ROR1: variants seen among roughly 807,000 people sequenced by gnomAD.
ROR1 encodes the protein inactive tyrosine-protein kinase transmembrane receptor ROR1.
Under a neutral mutation model 78.8 loss-of-function variants are expected in ROR1, and 19 were observed. That is an observed-to-expected ratio of 0.24 (90% CI 0.17 to 0.35). The LOEUF is 0.35. Among genes scored for constraint, ROR1 ranks in the 10% least tolerant of loss-of-function variants. The probability of loss-of-function intolerance (pLI) is 1.00; values close to 1 mark genes in which losing one functional copy is unlikely to be tolerated. For missense variants in ROR1, 917 were observed against 1,177.8 expected (o/e 0.78, Z 3.24); for synonymous variants, 386 against 433.6 (o/e 0.89, Z 1.36).
chr1:64,159,461 T>G (rs1021316340), intron 8 of ROR1, among the ~76,000 whole-genome samples: 18 of 152,160 alleles, frequency 1.2e-4, no homozygotes, highest in Non-Finnish European at 2.4e-4. Context: ...GAAATCATCC[T>G]GACCAGCCCG....
intron 1 of ROR1, among the ~76,000 whole-genome samples, chr1:63,906,890 C>G (rs1645533863): frequency 6.6e-6 from 1 of 152,110 alleles, no homozygotes; most frequent in Non-Finnish European, 1.5e-5. Flanking sequence ...CCTAAGTTTC[C>G]CAAATCCAAA....
chr1:63,955,077 G>C (rs574605369), intron 1 of ROR1, among the ~76,000 whole-genome samples: 1 of 152,182 alleles, frequency 6.6e-6, no homozygotes, highest in Admixed American at 6.5e-5. Context: ...GACAAGCAAA[G>C]TCTGGACTGC....
At chr1:64,072,739 C>T (rs1307078155) in intron 4 of ROR1, among the ~76,000 whole-genome samples, 1 of 152,132 alleles carries the variant, frequency 6.6e-6, no homozygotes, top group Non-Finnish European at 1.5e-5. Context: ...CTCAGGGGTG[C>T]TGGCAACTGG....
rs958887657 is a variant in ROR1, at chr1:64,179,595, A to T, written c.*740A>T. On this transcript the variant is annotated 3_prime_UTR_variant, in exon 9 of 9. Coordinates refer to ENST00000371079, the MANE Select transcript of ROR1 (RefSeq NM_005012.4). The stretch of plus-strand genomic sequence containing the variant: ...CAGACCATAAGAAGGCTAGATGTGG[A>T]TGCTAGAATTGATTGTTGGTTGATA... 1 of 152,176 alleles carries T rather than the reference A, an allele frequency of 6.6e-6. No homozygotes were observed. Among genetic ancestry groups the T allele is most frequent in the East Asian group, 1.9e-4 (1 of 5,186 alleles). The allele number at this position is 152,176 out of a possible 1,614,324, so 9.4% of individuals were successfully genotyped here. A position where few individuals can be genotyped will look rare whatever the true frequency, so the allele number is the denominator to read the frequency against.
At chr1:64,150,230 G>C (rs1448546586) in intron 7 of ROR1, among the ~76,000 whole-genome samples, 2 of 151,924 alleles carry the variant, frequency 1.3e-5, no homozygotes, top group Non-Finnish European at 2.9e-5. Flanking sequence ...TCCTAAACCA[G>C]CTTCACCAAA....
At chr1:63,875,173 G>A (rs1253210497) in intron 1 of ROR1, among the ~76,000 whole-genome samples, 2 of 152,150 alleles carry the variant, frequency 1.3e-5, no homozygotes, top group Non-Finnish European at 2.9e-5. Flanking sequence ...CATTTGTAAA[G>A]TCAGGGGTAA....
intron 2 of ROR1, among the ~76,000 whole-genome samples, chr1:64,016,275 A>T (rs1646520210): frequency 6.6e-6 from 1 of 152,178 alleles, no homozygotes; most frequent in African/African-American, 2.4e-5. Context: ...TGAGAATGTG[A>T]AATGTGGACA....
chr1:63,843,227 G>T, intron 1 of ROR1: 1 of 1,504,792 alleles, frequency 6.6e-7, no homozygotes. Context: ...TGACCGCACT[G>T]CCCCCCAGCT....
At chr1:64,035,636 A>G (rs1226621947) in intron 2 of ROR1, among the ~76,000 whole-genome samples, 1 of 152,186 alleles carries the variant, frequency 6.6e-6, no homozygotes, top group East Asian at 1.9e-4. Flanking sequence ...TGTTAGTGCC[A>G]AGAGATCAAT....
chr1:64,156,137 GT>G (rs1371845590), intron 7 of ROR1, among the ~76,000 whole-genome samples: 9 of 152,216 alleles, frequency 5.9e-5, no homozygotes, highest in Non-Finnish European at 1.3e-4. Flanking sequence ...ACATTGAGTG[GT>G]AACTGGTACT....
At chr1:63,897,189 C>G (rs1443598469) in intron 1 of ROR1, among the ~76,000 whole-genome samples, 2 of 152,318 alleles carry the variant, frequency 1.3e-5, no homozygotes, top group East Asian at 3.9e-4. Flanking sequence ...TTCTCTCTAG[C>G]AAGTTTATGG....
intron 1 of ROR1, among the ~76,000 whole-genome samples, chr1:63,977,292 TA>T (rs2100504619): frequency 6.6e-6 from 1 of 152,342 alleles, no homozygotes; most frequent in South Asian, 2.1e-4. Flanking sequence ...ATTTATACAA[TA>T]TTTTTTAGTA....
chr1:64,052,957 A>G (rs1471744312), intron 4 of ROR1, among the ~76,000 whole-genome samples: 1 of 152,092 alleles, frequency 6.6e-6, no homozygotes, highest in Admixed American at 6.5e-5. Context: ...ACTCCCAGAA[A>G]GAATGCTGGT....
rs185174258 is a variant in ROR1, at chr1:64,120,417, T to A, written c.483-16952T>A. Reference sequence around the variant, plus strand: ...AAAAAGTAAAAATGAATGAAAGTAATTTTAATAAGCTATTTTTAACCCAAA... The same window carrying A: ...AAAAAGTAAAAATGAATGAAAGTAAATTTAATAAGCTATTTTTAACCCAAA... On this transcript the variant is annotated intron_variant, in intron 4 of 8. Coordinates refer to ENST00000371079, the MANE Select transcript of ROR1 (RefSeq NM_005012.4). Among the ~76,000 whole-genome samples the A allele has an allele frequency of 4.2e-3, 646 of 152,328 alleles. 21 individuals are homozygous for A. Among genetic ancestry groups the A allele is most frequent in the Non-Finnish European group, 2.0e-3 (133 of 68,040 alleles).
At chr1:63,945,434 A>G (rs1645876566) in intron 1 of ROR1, among the ~76,000 whole-genome samples, 1 of 152,164 alleles carries the variant, frequency 6.6e-6, no homozygotes, top group Non-Finnish European at 1.5e-5. Flanking sequence ...GTGCAGAGCC[A>G]TGGAATTGAT....
intron 8 of ROR1, among the ~76,000 whole-genome samples, chr1:64,162,122 G>C (rs1332995083): frequency 3.3e-5 from 5 of 152,178 alleles, no homozygotes; most frequent in Admixed American, 3.3e-4. Flanking sequence ...AGGCGAGGAT[G>C]AAAAAGGAAT....
intron 1 of ROR1, among the ~76,000 whole-genome samples, chr1:63,916,508 A>G (rs1340884410): frequency 6.6e-6 from 1 of 152,246 alleles, no homozygotes; most frequent in Non-Finnish European, 1.5e-5. Flanking sequence ...TGTTTAATGT[A>G]AATACACCTG....
Position 63,789,674 on chromosome 1 carries a change from CTTTT to C in ROR1, c.91+15185_91+15188del, listed in dbSNP as rs902307163. The stretch of plus-strand genomic sequence containing the variant: ...GAAAAAAACACCCATCCTTCCTCTC[CTTTT>C]TTTTTTTTTTTTTTTTTTGTCTTTA... On this transcript the variant is annotated intron_variant, in intron 1 of 8. Coordinates refer to ENST00000371079, the MANE Select transcript of ROR1 (RefSeq NM_005012.4). Among the ~76,000 whole-genome samples the C allele has an allele frequency of 1.3e-4, 13 of 102,600 alleles. No individual in the cohort carries two copies. In the East Asian group the frequency reaches 3.5e-3, roughly 28 times the overall value. 67.3% of individuals were successfully genotyped at this position (102,600 alleles called of 152,430 possible).
chr1:64,093,886 A>G (rs1365342533), intron 4 of ROR1, among the ~76,000 whole-genome samples: 1 of 152,154 alleles, frequency 6.6e-6, no homozygotes, highest in African/African-American at 2.4e-5. Context: ...ATTCTTGTAC[A>G]TCTGTCTTTA....
Sources: gnomAD v4.1 joint callset for allele counts (sites outside exome capture counted in the v4.1 genomes callset) on GRCh38, gnomAD v4.1.1 for gene constraint, MANE v1.5 for transcripts, NCBI Gene and HGNC (gene_info 2026-07-23, HGNC 2026-07-21) for gene names.